Variants in PLEKHH2 observed in about 807,000 individuals in gnomAD.
PLEKHH2 encodes pleckstrin homology, MyTH4 and FERM domain containing H2, also known as pleckstrin homology domain-containing family H member 2.
Under a neutral mutation model 187.9 loss-of-function variants are expected in PLEKHH2, and 129 were observed. The observed-to-expected ratio is 0.69, with a 90% CI of 0.59 to 0.79. The LOEUF (loss-of-function observed/expected upper bound fraction) is 0.79. Among genes scored for constraint, PLEKHH2 ranks in the 30% least tolerant of loss-of-function variants. The probability of loss-of-function intolerance (pLI) is 0.00; values close to 1 mark genes in which losing one functional copy is unlikely to be tolerated. For missense variants in PLEKHH2, 2,076 were observed against 1,751.2 expected (o/e 1.19, Z -3.31); for synonymous variants, 686 against 605.6 (o/e 1.13, Z -1.95).
chr2:43,640,886 G>C (rs1166296227), intron 1 of PLEKHH2, among the ~76,000 whole-genome samples: 1 of 151,422 alleles, frequency 6.6e-6, no homozygotes, highest in Non-Finnish European at 1.5e-5. Flanking sequence ...CTGGGCTCAA[G>C]TGATCTTCCT....
intron 2 of PLEKHH2, chr2:43,675,873 T>C (rs1224796277): frequency 6.2e-7 from 1 of 1,614,080 alleles, no homozygotes; most frequent in South Asian, 1.1e-5. Flanking sequence ...ACTTTAAATT[T>C]TCAATGACAG....
At chr2:43,686,952 G>T (rs112913220) in intron 3 of PLEKHH2, among the ~76,000 whole-genome samples, 5 of 145,212 alleles carry the variant, frequency 3.4e-5, no homozygotes, top group African/African-American at 1.3e-4. Context: ...CCTTATATCT[G>T]GCCATGTCCC....
chr2:43,670,613 G>C (rs1274629100), intron 2 of PLEKHH2, among the ~76,000 whole-genome samples: 1 of 134,968 alleles, frequency 7.4e-6, no homozygotes, highest in Non-Finnish European at 1.7e-5. Context: ...CAGGTATTGT[G>C]AATATTCTAA....
chr2:43,761,319 G>A (rs917712002), intron 27 of PLEKHH2, among the ~76,000 whole-genome samples: 15 of 151,668 alleles, frequency 9.9e-5, no homozygotes, highest in African/African-American at 3.6e-4. Context: ...AACATTCATG[G>A]GTTTCAGTTG....
intron 9 of PLEKHH2, among the ~76,000 whole-genome samples, chr2:43,705,251 C>CTTTTTTTTTTT (rs5830767): frequency 1.5e-4 from 14 of 95,862 alleles, no homozygotes; most frequent in Non-Finnish European, 1.9e-4. Flanking sequence ...AAATTTTATC[C>CTTTTTTTTTTT]TTTTTTTTTT....
intron 2 of PLEKHH2, among the ~76,000 whole-genome samples, chr2:43,648,149 CGTT>C (rs1363386138): frequency 6.6e-6 from 1 of 152,050 alleles, no homozygotes; most frequent in African/African-American, 2.4e-5. Context: ...AGAAGTAACT[CGTT>C]ATTATTTTCC....
chr2:43,742,089 C>A (rs1671590511), intron 21 of PLEKHH2, among the ~76,000 whole-genome samples: 1 of 152,200 alleles, frequency 6.6e-6, no homozygotes, highest in East Asian at 1.9e-4. Context: ...CAACCTCCAC[C>A]TCCAAGGTCC....
intron 2 of PLEKHH2, among the ~76,000 whole-genome samples, chr2:43,657,531 A>C (rs2104369313): frequency 6.6e-6 from 1 of 152,280 alleles, no homozygotes; most frequent in South Asian, 2.1e-4. Context: ...CATTCTAACA[A>C]CCAAAGCCCA....
At position 43,720,992 on chromosome 2, in the gene PLEKHH2, A is replaced by G. The variant is rs141323902; in HGVS notation, c.2541+243A>G. The stretch of plus-strand genomic sequence containing the variant: ...TAATGCATCTTCTAAGACCTAGAAC[A>G]GTCTTCTTCTATTCCCTCCCCACAA... On this transcript the variant is annotated intron_variant, in intron 16 of 29. Transcript: ENST00000282406. Among the ~76,000 whole-genome samples, 195 of 152,308 alleles carry G rather than the reference A, an allele frequency of 1.3e-3. 2 individuals carry two copies. Among genetic ancestry groups the G allele is most frequent in the South Asian group, 8.9e-3 (43 of 4,818 alleles).
intron 1 of PLEKHH2, 62 bp from the exon 2 acceptor site, chr2:43,644,609 T>G: frequency 7.9e-7 from 1 of 1,270,170 alleles, no homozygotes; most frequent in Non-Finnish European, 1.1e-6. Flanking sequence ...GAATATTAAT[T>G]GTGTTGTAGC....
chr2:43,711,993 T>C lies in PLEKHH2; in HGVS notation c.2302-232T>C, dbSNP rs1263225803. Reference sequence around the variant, plus strand: ...AGATATAAAATCATAACCCCAAAATTAGGTAAACTGGAGTAACAAAGTTAT... The same window carrying C: ...AGATATAAAATCATAACCCCAAAATCAGGTAAACTGGAGTAACAAAGTTAT... On this transcript the variant is annotated intron_variant, in intron 14 of 29. Coordinates refer to ENST00000282406, the MANE Select transcript of PLEKHH2 (RefSeq NM_172069.4). 7.2e-6 allele frequency: 9 copies of C among 1,249,966 alleles called. No homozygotes were observed. The Admixed American group carries it at 1.2e-4, about 16-fold the overall frequency. The allele number at this position is 1,249,966 out of a possible 1,614,324, so 77.4% of individuals were successfully genotyped here.
At chr2:43,638,248 A>AACACACACACAC (rs70965309) in intron 1 of PLEKHH2, among the ~76,000 whole-genome samples, 6 of 148,754 alleles carry the variant, frequency 4.0e-5, no homozygotes, top group African/African-American at 1.5e-4. Flanking sequence ...AAGATCTTTT[A>AACACACACACAC]ACACACACAC....
intron 8 of PLEKHH2, among the ~76,000 whole-genome samples, chr2:43,702,025 TCCC>T (rs1400371391): frequency 5.3e-5 from 8 of 152,174 alleles, no homozygotes; most frequent in African/African-American, 1.7e-4. Context: ...CACCTCAGCC[TCCC>T]AAAGTGCTGG....
At chr2:43,703,288 G>A (rs894953333) in intron 8 of PLEKHH2, among the ~76,000 whole-genome samples, 1 of 152,204 alleles carries the variant, frequency 6.6e-6, no homozygotes, top group East Asian at 1.9e-4. Flanking sequence ...AGCAGGGCTA[G>A]TAACCTGTCC....
At chr2:43,731,419 G>A (rs139161231) in intron 18 of PLEKHH2, 71 bp from the exon 19 acceptor site, 17 of 1,035,104 alleles carry the variant, frequency 1.6e-5, no homozygotes, top group Middle Eastern at 4.1e-4. Flanking sequence ...AATGTCTAAA[G>A]GATTAATTTA....
intron 3 of PLEKHH2, chr2:43,680,884 A>G (rs1380160898): frequency 1.1e-5 from 6 of 568,648 alleles, no homozygotes; most frequent in Non-Finnish European, 1.9e-5. Context: ...TCCATTTGAC[A>G]AGTAGAATTT....
intron 2 of PLEKHH2, among the ~76,000 whole-genome samples, 154 bp from the exon 3 acceptor site, chr2:43,678,709 G>A (rs1415131966): frequency 4.0e-5 from 6 of 151,658 alleles, no homozygotes; most frequent in African/African-American, 1.5e-4. Flanking sequence ...GGAAAGAGAG[G>A]GAGAGGGAGA....
intron 2 of PLEKHH2, among the ~76,000 whole-genome samples, chr2:43,649,464 A>G (rs1666362097): frequency 6.6e-6 from 1 of 152,232 alleles, no homozygotes; most frequent in African/African-American, 2.4e-5. Context: ...ATTTCCTGCC[A>G]CTTGGCATTT....
chr2:43,706,522 C>G, intron 10 of PLEKHH2, 106 bp downstream of exon 10: 1 of 807,720 alleles, frequency 1.2e-6, no homozygotes, highest in South Asian at 1.7e-5. Context: ...TACACAGGCT[C>G]TCCCTTTATA....
Sources: allele counts gnomAD v4.1 joint callset (sites outside exome capture counted in the v4.1 genomes callset), GRCh38; gene constraint gnomAD v4.1.1; transcripts MANE v1.5; gene names NCBI Gene and HGNC (gene_info 2026-07-23, HGNC 2026-07-21).